Variants in FHIT observed in about 807,000 individuals in gnomAD.
FHIT encodes the protein fragile histidine triad diadenosine triphosphatase, also known as bis(5'-adenosyl)-triphosphatase.
FHIT carries 19 observed loss-of-function variants against 17.9 expected under a neutral mutation model. The ratio of observed to expected loss-of-function variants is 1.06; its 90% CI spans 0.74 to 1.56. FHIT has a LOEUF of 1.56. Among genes scored for constraint, FHIT ranks in the 40% most tolerant of loss-of-function variants. The probability of loss-of-function intolerance (pLI) is 0.00; values close to 1 mark genes in which losing one functional copy is unlikely to be tolerated. For synonymous variants in FHIT, 81 were observed against 69.7 expected, an observed-to-expected ratio of 1.16 and a Z score of -0.81; for missense variants, 248 against 189.2, an observed-to-expected ratio of 1.31 and a Z score of -1.82.
intron 5 of FHIT, among the ~76,000 whole-genome samples, chr3:60,530,046 G>T (rs200401798): frequency 1.8e-4 from 27 of 152,220 alleles, no homozygotes; most frequent in East Asian, 1.4e-3. Flanking sequence ...TTTTTCTCCT[G>T]TAATGCATAA....
intron 5 of FHIT, among the ~76,000 whole-genome samples, chr3:60,168,011 G>A (rs138462437): frequency 2.8e-4 from 42 of 152,284 alleles, no homozygotes; most frequent in African/African-American, 9.4e-4. Context: ...GTAAGAGAGT[G>A]AGACCCTGTC....
chr3:60,970,489 A>G (rs1321010491), intron 3 of FHIT, among the ~76,000 whole-genome samples: 1 of 151,870 alleles, frequency 6.6e-6, no homozygotes, highest in Non-Finnish European at 1.5e-5. Context: ...TATTCTTATC[A>G]CTATCTTAAT....
chr3:60,929,984 T>C (rs376312015), intron 3 of FHIT, among the ~76,000 whole-genome samples: 1 of 151,984 alleles, frequency 6.6e-6, no homozygotes, highest in Non-Finnish European at 1.5e-5. Context: ...GCTACAGTAA[T>C]CAAAACAGCA....
In FHIT at chr3:60,921,240, T is replaced by C. The variant is rs1382177317; in HGVS notation, c.-110-99229A>G. 7.9e-5 allele frequency among the ~76,000 whole-genome samples: 12 copies of C among 152,356 alleles called. 1 individual carries two copies. Among genetic ancestry groups the C allele is most frequent in the Admixed American group, 3.3e-4 (5 of 15,304 alleles). On this transcript the variant is annotated intron_variant, in intron 3 of 9. Transcript: ENST00000492590. ...TGAACCATAAAATGCATGGGCCGTA[T>C]TGAACCACTCCTTTCACAAGAATTT...
chr3:60,945,423 C>T (rs1391397603), intron 3 of FHIT, among the ~76,000 whole-genome samples: 10 of 152,094 alleles, frequency 6.6e-5, no homozygotes, highest in East Asian at 1.9e-4. Flanking sequence ...GATAGAGTCT[C>T]GCTCTGTCAC....
At chr3:60,332,688 G>A (rs960623328) in intron 5 of FHIT, among the ~76,000 whole-genome samples, 4 of 152,092 alleles carry the variant, frequency 2.6e-5, no homozygotes, top group Non-Finnish European at 4.4e-5. Flanking sequence ...GGGGAGAATC[G>A]TTTTCAACAA....
At chr3:60,988,393 T>C (rs1379942609) in intron 3 of FHIT, among the ~76,000 whole-genome samples, 1 of 152,170 alleles carries the variant, frequency 6.6e-6, no homozygotes, top group Non-Finnish European at 1.5e-5. Context: ...CCCTACGTGA[T>C]GGAGCCATCA....
At chr3:60,245,790 A>G (rs1022889110) in intron 5 of FHIT, among the ~76,000 whole-genome samples, 4 of 152,088 alleles carry the variant, frequency 2.6e-5, no homozygotes, top group African/African-American at 9.7e-5. Flanking sequence ...ATATAAATCA[A>G]TATTGGCAAC....
chr3:60,444,891 C>A (rs1297994488), intron 5 of FHIT, among the ~76,000 whole-genome samples: 2 of 151,826 alleles, frequency 1.3e-5, no homozygotes, highest in African/African-American at 4.8e-5. Context: ...ACTCTGACTC[C>A]ATTGTCTTGA....
chr3:60,861,520 G>A (rs564050908), intron 3 of FHIT, among the ~76,000 whole-genome samples: 9 of 151,598 alleles, frequency 5.9e-5, no homozygotes, highest in African/African-American at 2.2e-4. Context: ...ATTGCCAAAT[G>A]TCACCTGCAA....
intron 4 of FHIT, among the ~76,000 whole-genome samples, chr3:60,770,164 A>C (rs554752682): frequency 6.6e-6 from 1 of 152,158 alleles, no homozygotes; most frequent in Non-Finnish European, 1.5e-5. Context: ...AATGAGCAGA[A>C]GCATTGAGGG....
In FHIT at chr3:60,517,128, A is replaced by C. The variant is rs547155312; in HGVS notation, c.103+19732T>G. Among the ~76,000 whole-genome samples the C allele has an allele frequency of 3.3e-5, 5 of 152,310 alleles. No homozygotes were observed. The South Asian group carries it at 6.2e-4, about 19-fold the overall frequency. The stretch of plus-strand genomic sequence containing the variant: ...ATTCCAAGGTATCTCTTAATGACAA[A>C]AAGTGGGTGAATAGTTATAAAGGCT... On this transcript the variant is annotated intron_variant, in intron 5 of 9. Coordinates refer to ENST00000492590, the MANE Select transcript of FHIT (RefSeq NM_002012.4).
chr3:60,340,988 C>A (rs1199089486), intron 5 of FHIT, among the ~76,000 whole-genome samples: 2 of 152,102 alleles, frequency 1.3e-5, no homozygotes, highest in Non-Finnish European at 2.9e-5. Flanking sequence ...TGCACCCGGC[C>A]TATATGAGAA....
chr3:59,811,521 C>A (rs192431123), intron 8 of FHIT, among the ~76,000 whole-genome samples: 1 of 152,126 alleles, frequency 6.6e-6, no homozygotes. Flanking sequence ...AAAATTTCCA[C>A]GGGTGAGCTC....
At chr3:61,151,575 C>CTTTTCTTTTCTT (rs2037391413) in intron 2 of FHIT, among the ~76,000 whole-genome samples, 1 of 129,268 alleles carries the variant, frequency 7.7e-6, no homozygotes, top group Admixed American at 7.2e-5. Flanking sequence ...CTTTTCTTTT[C>CTTTTCTTTTCTT]TTTTTTTTTT....
intron 7 of FHIT, among the ~76,000 whole-genome samples, chr3:59,976,076 A>C (rs1264970665): frequency 6.6e-6 from 1 of 152,066 alleles, no homozygotes. Flanking sequence ...TAATTTCTTC[A>C]TTTGCAAAAT....
intron 8 of FHIT, among the ~76,000 whole-genome samples, chr3:59,823,974 G>A (rs1345161975): frequency 6.6e-6 from 1 of 152,166 alleles, no homozygotes; most frequent in African/African-American, 2.4e-5. Context: ...AAAAGCTTCA[G>A]AACTGATAAG....
At chr3:60,083,817 G>A (rs1003567486) in intron 5 of FHIT, among the ~76,000 whole-genome samples, 1 of 152,182 alleles carries the variant, frequency 6.6e-6, no homozygotes, top group Non-Finnish European at 1.5e-5. Flanking sequence ...AAAACAAATA[G>A]TGGGCCAAAT....
At chr3:60,286,354 A>G (rs2107657563) in intron 5 of FHIT, among the ~76,000 whole-genome samples, 1 of 152,320 alleles carries the variant, frequency 6.6e-6, no homozygotes, top group South Asian at 2.1e-4. Flanking sequence ...TATGAGTTGC[A>G]AATATTTTTC....
Sources: allele counts gnomAD v4.1 joint callset (sites outside exome capture counted in the v4.1 genomes callset), GRCh38; gene constraint gnomAD v4.1.1; transcripts MANE v1.5; gene names NCBI Gene and HGNC (gene_info 2026-07-23, HGNC 2026-07-21).